Variants in HYDIN observed in about 807,000 individuals in gnomAD.
HYDIN encodes the protein axonemal central pair apparatus protein HYDIN.
HYDIN carries 132 observed loss-of-function variants against 403.9 expected under a neutral mutation model. The observed-to-expected ratio is 0.33, with a 90% CI of 0.28 to 0.38. HYDIN has a LOEUF of 0.38. Ranked by LOEUF, HYDIN falls within the 10% of genes least tolerant of loss-of-function variation. The pLI, the probability that HYDIN is intolerant of heterozygous loss-of-function variation, is 1.00. For synonymous variants in HYDIN, 1,202 were observed against 1,891.7 expected, an observed-to-expected ratio of 0.64 and a Z score of 9.46; for missense variants, 2,827 against 5,009.5, an observed-to-expected ratio of 0.56 and a Z score of 13.15.
At chr16:70,869,889 G>T (rs1279876965) in intron 65 of HYDIN, among the ~76,000 whole-genome samples, 4 of 152,056 alleles carry the variant, frequency 2.6e-5, no homozygotes, top group African/African-American at 9.6e-5. Flanking sequence ...GAAAATGTGG[G>T]AAAGTTTGGA....
chr16:71,094,080 G>A (rs879029073), intron 10 of HYDIN, 145 bp from the exon 11 acceptor site: 7 of 679,838 alleles, frequency 1.0e-5, no homozygotes, highest in African/African-American at 9.2e-5. Context: ...TTTAACTAAC[G>A]CTGAAGATTC....
chr16:71,212,062 G>C (rs976155734), intron 1 of HYDIN, among the ~76,000 whole-genome samples: 3 of 152,098 alleles, frequency 2.0e-5, no homozygotes, highest in African/African-American at 7.2e-5. Context: ...CACCAAAAAA[G>C]ACTGTAAAAA....
rs1314811681 is a variant in HYDIN at position 70,839,916 on chromosome 16, G to A, written c.13043+148C>T. ...AGTATTAGTGTTAGTTATGGGGACA[G>A]GGACCTAGGATTCATACCCACTTTT... On this transcript the variant is annotated intron_variant, in intron 76 of 85. Transcript: ENST00000393567. 4 of 538,702 alleles carry A rather than the reference G, an allele frequency of 7.4e-6. No homozygotes were observed. In the African/African-American group the frequency reaches 7.9e-5, roughly 11 times the overall value. 33.4% of individuals were successfully genotyped at this position (538,702 alleles called of 1,614,324 possible).
chr16:71,113,458 A>G (rs1049603407), intron 10 of HYDIN: 1 of 152,184 alleles, frequency 6.6e-6, no homozygotes, highest in African/African-American at 2.4e-5. Flanking sequence ...TTAAATATCT[A>G]TCCCATGCCC....
chr16:71,014,521 G>A (rs1426522370), intron 23 of HYDIN, among the ~76,000 whole-genome samples: 1 of 151,808 alleles, frequency 6.6e-6, no homozygotes, highest in Admixed American at 6.6e-5. Flanking sequence ...CAACCATGAT[G>A]AGTGCATCAC....
chr16:71,214,846 C>G (rs921164934), intron 1 of HYDIN, among the ~76,000 whole-genome samples: 45 of 152,262 alleles, frequency 3.0e-4, no homozygotes, highest in African/African-American at 1.1e-3. Flanking sequence ...CTGCCTCATT[C>G]TTTCAGTCCC....
chr16:70,853,573 A>C lies in HYDIN; in HGVS notation c.12443+1555T>G, dbSNP rs539633963. Among the ~76,000 whole-genome samples, 372 of 148,330 alleles carry C rather than the reference A, an allele frequency of 2.5e-3. 3 individuals carry two copies. Among genetic ancestry groups the C allele is most frequent in the African/African-American group, 9.4e-3 (357 of 37,966 alleles). ...AAACTACCTGGATGTATGTTGGAGA[A>C]TTATGAGTGAAAAAAACCAATCACA... On this transcript the variant is annotated intron_variant, in intron 73 of 85. Coordinates refer to ENST00000393567, the MANE Select transcript of HYDIN (RefSeq NM_001270974.2).
chr16:71,164,836 C>T (rs2086001786), intron 5 of HYDIN, among the ~76,000 whole-genome samples: 1 of 146,594 alleles, frequency 6.8e-6, no homozygotes, highest in African/African-American at 2.5e-5. Flanking sequence ...CACAAAGGCT[C>T]CACAAAGACA....
intron 1 of HYDIN, among the ~76,000 whole-genome samples, chr16:71,203,040 G>T (rs1026109613): frequency 1.3e-5 from 2 of 152,156 alleles, no homozygotes; most frequent in Non-Finnish European, 2.9e-5. Context: ...CTTTGGGCTT[G>T]CTGGGCCAAA....
chr16:70,866,967 G>C (rs1191732749), intron 66 of HYDIN, among the ~76,000 whole-genome samples: 1 of 148,414 alleles, frequency 6.7e-6, no homozygotes, highest in South Asian at 2.1e-4. Flanking sequence ...GGAGGTTGCA[G>C]TGAGCCGAGA....
intron 38 of HYDIN, among the ~76,000 whole-genome samples, chr16:70,961,158 G>T (rs563518353): frequency 2.6e-5 from 4 of 152,104 alleles, no homozygotes; most frequent in South Asian, 2.1e-4. Context: ...CCCTGGAGGA[G>T]CCCAGGCATG....
At chr16:71,078,537 C>G (rs1294070196) in intron 13 of HYDIN, among the ~76,000 whole-genome samples, 3 of 152,136 alleles carry the variant, frequency 2.0e-5, no homozygotes, top group African/African-American at 7.2e-5. Context: ...CAGGGTCTTG[C>G]TCTTTTGCCT....
At position 70,807,981 on chromosome 16, in the gene HYDIN, C is replaced by T. The variant is rs770260089; in HGVS notation, c.14965G>A (p.Val4989Ile). Residue 4989 changes from valine (V) to isoleucine (I), a missense_variant, in exon 86 of 86, where the codon GTC (valine) becomes ATC (isoleucine). Transcript: ENST00000393567. ...GQGGTEASVE[V>I]LFEPSHLGET... is the part of the protein sequence containing the mutation. Reference sequence around the variant, plus strand: ...CCCAGGTGGCTGGGCTCGAATAAGACTTCCACACTGGCTTCAGTGCCTCCC... The same window carrying T: ...CCCAGGTGGCTGGGCTCGAATAAGATTTCCACACTGGCTTCAGTGCCTCCC... 4 of 1,614,138 alleles carry T rather than the reference C, an allele frequency of 2.5e-6. No individual in the cohort carries two copies. The highest frequency in any genetic ancestry group is 3.4e-6 in the Non-Finnish European group (4 of 1,180,032).
intron 23 of HYDIN, among the ~76,000 whole-genome samples, chr16:70,996,289 T>C (rs1361304315): frequency 6.6e-6 from 1 of 152,206 alleles, no homozygotes; most frequent in Non-Finnish European, 1.5e-5. Context: ...TCCTAGGGAA[T>C]CCACTACAGT....
chr16:70,898,770 G>A (rs1167936863), intron 53 of HYDIN, among the ~76,000 whole-genome samples: 2 of 150,860 alleles, frequency 1.3e-5, no homozygotes, highest in African/African-American at 4.9e-5. Context: ...TTGAGACAGA[G>A]TCTTGCTCTC....
intron 35 of HYDIN, among the ~76,000 whole-genome samples, chr16:70,972,977 C>T (rs2078775514): frequency 6.6e-6 from 1 of 152,210 alleles, no homozygotes; most frequent in Admixed American, 6.5e-5. Context: ...TTGGATCTTA[C>T]TGGGTTTCAG....
chr16:70,833,864 G>C (rs1223011939), intron 79 of HYDIN, 23 bp downstream of exon 79: 25 of 1,590,712 alleles, frequency 1.6e-5, no homozygotes, highest in Non-Finnish European at 2.1e-5. Context: ...GCAGCCTCAG[G>C]GTGGGAGACA....
chr16:70,917,323 C>T (rs1201528867), intron 47 of HYDIN, among the ~76,000 whole-genome samples: 2 of 152,302 alleles, frequency 1.3e-5, no homozygotes, highest in African/African-American at 4.8e-5. Flanking sequence ...GCATGCCCAC[C>T]GACGCTACTG....
intron 1 of HYDIN, among the ~76,000 whole-genome samples, chr16:71,202,184 T>C (rs1336373863): frequency 6.6e-6 from 1 of 152,228 alleles, no homozygotes; most frequent in Non-Finnish European, 1.5e-5. Flanking sequence ...GAATGTTCAT[T>C]TGGAGAATTT....
Sources: allele counts gnomAD v4.1 joint callset (sites outside exome capture counted in the v4.1 genomes callset), GRCh38; gene constraint gnomAD v4.1.1; transcripts MANE v1.5; gene names NCBI Gene and HGNC (gene_info 2026-07-23, HGNC 2026-07-21).